Variants in ZNF804B observed in about 807,000 individuals in gnomAD.
ZNF804B encodes zinc finger 804B.
In ZNF804B, 80 loss-of-function variants were observed where a neutral mutation model predicts 101.4. The ratio of observed to expected loss-of-function variants is 0.79; its 90% CI spans 0.66 to 0.95. The LOEUF (loss-of-function observed/expected upper bound fraction) is 0.95. Ranked by LOEUF, ZNF804B falls within the 40% of genes least tolerant of loss-of-function variation. The pLI is 0.00. For missense variants in ZNF804B, 1,673 were observed against 1,561.9 expected (o/e 1.07, Z -1.20); for synonymous variants, 622 against 558.8 (o/e 1.11, Z -1.59).
At chr7:89,294,500 C>A (rs1790348842) in intron 2 of ZNF804B, among the ~76,000 whole-genome samples, 2 of 151,910 alleles carry the variant, frequency 1.3e-5, no homozygotes, top group Non-Finnish European at 2.9e-5. Flanking sequence ...TAGAATTTTT[C>A]TCACCTATGT....
chr7:89,152,504 C>T (rs1790894136), intron 1 of ZNF804B, among the ~76,000 whole-genome samples: 4 of 151,718 alleles, frequency 2.6e-5, no homozygotes, highest in African/African-American at 9.7e-5. Flanking sequence ...TTTTTCAATT[C>T]ATTATGCATT....
In ZNF804B at chr7:89,335,703, T is replaced by G. The variant is rs1184488845; in HGVS notation, c.2721T>G (p.Pro907=). Reference sequence around the variant, plus strand: ...TTCTAAAGAACTGTTCCAGTGGCCCTTCAGAAACCACAGAATCAAACACTG... The same window carrying G: ...TTCTAAAGAACTGTTCCAGTGGCCCGTCAGAAACCACAGAATCAAACACTG... ...SCLLKNCSSG[P]SETTESNTAE... is the part of the protein sequence containing the mutation. Residue 907 remains proline, a synonymous_variant, in exon 4 of 4, where the codon CCT becomes CCG. Coordinates refer to ENST00000333190, the MANE Select transcript of ZNF804B (RefSeq NM_181646.5). 6.2e-7 allele frequency: 1 copy of G among 1,614,016 alleles called. No homozygotes were observed. Among genetic ancestry groups the G allele is most frequent in the East Asian group, 2.2e-5 (1 of 44,858 alleles).
At chr7:88,941,850 C>T (rs1793059660) in intron 1 of ZNF804B, among the ~76,000 whole-genome samples, 1 of 151,752 alleles carries the variant, frequency 6.6e-6, no homozygotes, top group African/African-American at 2.4e-5. Context: ...TGTGGTTGTG[C>T]CCATTGACAT....
intron 2 of ZNF804B, among the ~76,000 whole-genome samples, chr7:89,240,897 C>A (rs1789359040): frequency 6.6e-6 from 1 of 152,068 alleles, no homozygotes; most frequent in Non-Finnish European, 1.5e-5. Context: ...ACACAATAGG[C>A]TCACCCCACT....
In ZNF804B at chr7:89,089,559, T is replaced by A. The variant is rs182584525; in HGVS notation, c.109-128596T>A. On this transcript the variant is annotated intron_variant, in intron 1 of 3. Coordinates refer to ENST00000333190, the MANE Select transcript of ZNF804B (RefSeq NM_181646.5). ...CATAAGAGGTAGAGAAAAAAAATTTTTTTTTGCACCCACACATACCAATAC... is the reference window on the plus strand; with the variant it reads ...CATAAGAGGTAGAGAAAAAAAATTTATTTTTGCACCCACACATACCAATAC... Among the ~76,000 whole-genome samples, 336 of 152,040 alleles carry A rather than the reference T, an allele frequency of 2.2e-3. 3 individuals are homozygous for A. The highest frequency in any genetic ancestry group is 7.8e-3 in the African/African-American group (322 of 41,492).
In ZNF804B at chr7:89,337,015, T is replaced by A. The variant is rs763611572; in HGVS notation, c.4033T>A (p.Ser1345Thr). 1.4e-5 allele frequency: 23 copies of A among 1,613,504 alleles called. No individual in the cohort carries two copies. The highest frequency in any genetic ancestry group is 1.9e-5 in the Non-Finnish European group (22 of 1,179,764). ...LNEVKEALNV[S>T]THLN ...TGAAGTGAAAGAGGCCTTAAATGTG[T>A]CCACACACTTGAACTAATAAGTGTT... Residue 1345 changes from serine to threonine, a missense_variant, in exon 4 of 4, where the codon TCC becomes ACC. Coordinates refer to ENST00000333190, the MANE Select transcript of ZNF804B (RefSeq NM_181646.5).
At chr7:88,775,793 T>G (rs1294572138) in intron 1 of ZNF804B, among the ~76,000 whole-genome samples, 1 of 152,232 alleles carries the variant, frequency 6.6e-6, no homozygotes, top group African/African-American at 2.4e-5. Context: ...TTTCCAGTGT[T>G]GCTTGGTGAC....
chr7:89,057,933 G>C (rs1789322275), intron 1 of ZNF804B, among the ~76,000 whole-genome samples: 1 of 151,980 alleles, frequency 6.6e-6, no homozygotes, highest in Non-Finnish European at 1.5e-5. Flanking sequence ...AACTAATCTA[G>C]AAAATGACAC....
chr7:88,963,153 C>G (rs933922936), intron 1 of ZNF804B, among the ~76,000 whole-genome samples: 1 of 151,044 alleles, frequency 6.6e-6, no homozygotes, highest in African/African-American at 2.4e-5. Context: ...GATGTATTTT[C>G]AGGAGTACAA....
At chr7:88,854,448 T>C (rs957886074) in intron 1 of ZNF804B, among the ~76,000 whole-genome samples, 1 of 129,660 alleles carries the variant, frequency 7.7e-6, no homozygotes, top group Admixed American at 8.1e-5. Context: ...TCTTTCTTTC[T>C]TTCTTTCTTT....
chr7:88,817,656 C>T (rs1241291922), intron 1 of ZNF804B, among the ~76,000 whole-genome samples: 1 of 152,122 alleles, frequency 6.6e-6, no homozygotes, highest in East Asian at 1.9e-4. Flanking sequence ...ACCCAGTATA[C>T]CTAAGATCTT....
At chr7:88,881,568 A>G (rs535620627) in intron 1 of ZNF804B, among the ~76,000 whole-genome samples, 1 of 152,316 alleles carries the variant, frequency 6.6e-6, no homozygotes, top group African/African-American at 2.4e-5. Flanking sequence ...CAGAATATTC[A>G]CTAATTATTG....
rs377038546 is a variant in ZNF804B, at chr7:89,275,574, G to A, written c.250-51770G>A. 1.4e-4 allele frequency among the ~76,000 whole-genome samples: 21 copies of A among 149,538 alleles called. No individual in the cohort carries two copies. In the South Asian group the frequency reaches 4.5e-3, roughly 32 times the overall value. ...TAGTTCTCTTTGGCTTGAACATTCT[G>A]GCCACAGATATCTACACAGTTTATT... On this transcript the variant is annotated intron_variant, in intron 2 of 3. Transcript: ENST00000333190.
At position 89,095,149 on chromosome 7, in the gene ZNF804B, C is replaced by T. The variant is rs1413434729; in HGVS notation, c.109-123006C>T. Among the ~76,000 whole-genome samples, 5 of 152,204 alleles carry T rather than the reference C, an allele frequency of 3.3e-5. No individual in the cohort carries two copies. In the East Asian group the frequency reaches 9.7e-4, roughly 29 times the overall value. ...GGGAGGTGATAGAAGCATGAGCCCT[C>T]CACCTTCATTAATGAGACTAAATGC... is the stretch of plus-strand genomic sequence containing the variant. On this transcript the variant is annotated intron_variant, in intron 1 of 3. Transcript: ENST00000333190.
intron 1 of ZNF804B, among the ~76,000 whole-genome samples, chr7:88,866,562 C>CAAAACA (rs1791730430): frequency 6.6e-6 from 1 of 152,002 alleles, no homozygotes; most frequent in African/African-American, 2.4e-5. Context: ...ACAAACAAAA[C>CAAAACA]AAAACAAAAC....
intron 1 of ZNF804B, among the ~76,000 whole-genome samples, chr7:89,059,598 G>T (rs1218965177): frequency 6.6e-6 from 1 of 152,098 alleles, no homozygotes; most frequent in East Asian, 1.9e-4. Context: ...CAGGACCAAA[G>T]ATCACATTTC....
At chr7:89,306,311 G>C (rs768024343) in intron 2 of ZNF804B, among the ~76,000 whole-genome samples, 10 of 151,900 alleles carry the variant, frequency 6.6e-5, no homozygotes, top group Non-Finnish European at 1.3e-4. Flanking sequence ...ACTTCATAAG[G>C]AAGGAAACAG....
intron 1 of ZNF804B, among the ~76,000 whole-genome samples, chr7:88,907,291 T>C (rs975716365): frequency 6.6e-6 from 1 of 152,008 alleles, no homozygotes; most frequent in Non-Finnish European, 1.5e-5. Context: ...TATCCAGTTC[T>C]TCACTCTATG....
intron 1 of ZNF804B, among the ~76,000 whole-genome samples, chr7:89,172,548 T>G (rs1791252512): frequency 6.6e-6 from 1 of 152,206 alleles, no homozygotes. Context: ...GTACAGCCAC[T>G]TTTTCTCCTT....
Sources: allele counts gnomAD v4.1 joint callset (sites outside exome capture counted in the v4.1 genomes callset), GRCh38; gene constraint gnomAD v4.1.1; transcripts MANE v1.5; gene names NCBI Gene and HGNC (gene_info 2026-07-23, HGNC 2026-07-21).